ATXN10: variants seen among roughly 807,000 people sequenced by gnomAD.
ATXN10 encodes the protein ataxin 10.
ATXN10 carries 28 observed loss-of-function variants against 52.9 expected under a neutral mutation model. The observed-to-expected ratio is 0.53, with a 90% CI of 0.39 to 0.73. The LOEUF (loss-of-function observed/expected upper bound fraction) is 0.73. ATXN10 is among the 30% of genes least tolerant of loss of function. The pLI, the probability that ATXN10 is intolerant of heterozygous loss-of-function variation, is 0.00. For synonymous variants in ATXN10, 226 were observed against 221.5 expected (o/e 1.02, Z -0.18); for missense variants, 565 against 577.0 (o/e 0.98, Z 0.21).
intron 10 of ATXN10, among the ~76,000 whole-genome samples, chr22:45,814,111 TAGA>T (rs1309767042): frequency 1.3e-5 from 2 of 152,224 alleles, no homozygotes; most frequent in African/African-American, 4.8e-5. Flanking sequence ...AAAGAGCTTC[TAGA>T]AGAATCACAG....
intron 3 of ATXN10, among the ~76,000 whole-genome samples, chr22:45,694,783 G>A (rs757289442): frequency 1.3e-3 from 181 of 139,886 alleles, no homozygotes; most frequent in Non-Finnish European, 2.2e-3. Flanking sequence ...ATTCTGTCTC[G>A]AAAAAAAAAA....
intron 9 of ATXN10, 122 bp from the exon 10 acceptor site, chr22:45,806,837 A>G: frequency 7.9e-6 from 6 of 764,084 alleles, no homozygotes; most frequent in Non-Finnish European, 1.4e-5. Flanking sequence ...TAGATATTTC[A>G]GATAATAGTG....
chr22:45,768,488 G>GT (rs1926666346), intron 9 of ATXN10, among the ~76,000 whole-genome samples: 1 of 152,218 alleles, frequency 6.6e-6, no homozygotes, highest in African/African-American at 2.4e-5. Context: ...AATGTATGCA[G>GT]TAAGTATAAT....
chr22:45,821,608 T>C (rs136021), intron 10 of ATXN10, among the ~76,000 whole-genome samples: 1,727 of 152,290 alleles, frequency 0.011, 32 homozygotes, highest in African/African-American at 0.039. Flanking sequence ...ATAGTCTCTC[T>C]CATCCATCTT....
At chr22:45,711,238 T>A (rs1924236355) in intron 5 of ATXN10, among the ~76,000 whole-genome samples, 1 of 151,786 alleles carries the variant, frequency 6.6e-6, no homozygotes, top group Non-Finnish European at 1.5e-5. Context: ...CTCATGGTAA[T>A]TATAGCAGAG....
rs1383917880 is a variant in ATXN10, at chr22:45,774,206, T to G, written c.1174-32753T>G. ...TAGTAGGCATGGTGGGGCACCTGCC[T>G]CCTACTTGGCATTTCTGCTGGGGGA... On this transcript the variant is annotated intron_variant, in intron 9 of 11. Transcript: ENST00000252934. This position sits in a 1 kb window ranked among gnomAD's most constrained non-coding sequence, Gnocchi z 6.2. Among the ~76,000 whole-genome samples, 5 of 152,224 alleles carry G rather than the reference T, an allele frequency of 3.3e-5. No individual in the cohort carries two copies. The highest frequency in any genetic ancestry group is 1.2e-4 in the African/African-American group (5 of 41,454).
At chr22:45,792,864 T>G in intron 9 of ATXN10, 1 of 511,248 alleles carries the variant, frequency 2.0e-6, no homozygotes. Flanking sequence ...TTCGACATTT[T>G]TACTGACTTT....
chr22:45,700,510 G>A (rs1187187548), intron 4 of ATXN10, 132 bp downstream of exon 4: 1 of 745,704 alleles, frequency 1.3e-6, no homozygotes, highest in Non-Finnish European at 2.3e-6. Context: ...TGTTCTTGGT[G>A]GGTGGGTACC....
chr22:45,699,136 T>A (rs1210589274), intron 3 of ATXN10, among the ~76,000 whole-genome samples: 1 of 152,210 alleles, frequency 6.6e-6, no homozygotes, highest in Non-Finnish European at 1.5e-5. Flanking sequence ...GGTGTTGTTT[T>A]TGGCCTTTAT....
rs1401214704 is a variant in ATXN10 at position 45,828,269 on chromosome 22, T to A, written c.1238-14722T>A. Among the ~76,000 whole-genome samples the A allele has an allele frequency of 1.3e-5, 2 of 151,564 alleles. No homozygotes were observed. The highest frequency in any genetic ancestry group is 4.8e-5 in the African/African-American group (2 of 41,290). On this transcript the variant is annotated intron_variant, in intron 10 of 11. Coordinates refer to ENST00000252934, the MANE Select transcript of ATXN10 (RefSeq NM_013236.4). The surrounding 1 kb of genome is among the most constrained non-coding windows in gnomAD (Gnocchi z 4.5). ...AATGAAAAGACAACATAACAGAACT[T>A]ATGGGACACAGCAAAAATAATGCTA...
Position 45,762,266 on chromosome 22 carries a change from G to A in ATXN10, c.1173+21728G>A, listed in dbSNP as rs760410800. Among the ~76,000 whole-genome samples the A allele has an allele frequency of 4.6e-5, 7 of 152,172 alleles. No homozygotes were observed. The highest frequency in any genetic ancestry group is 2.1e-4 in the South Asian group (1 of 4,830). Reference sequence around the variant, plus strand: ...CCAGCGTGCGTTTCTTTCTGGAGGCGCAGGGACCTCGGCTTATTTTTCTCT... The same window carrying A: ...CCAGCGTGCGTTTCTTTCTGGAGGCACAGGGACCTCGGCTTATTTTTCTCT... On this transcript the variant is annotated intron_variant, in intron 9 of 11. Coordinates refer to ENST00000252934, the MANE Select transcript of ATXN10 (RefSeq NM_013236.4). This position sits in a 1 kb window ranked among gnomAD's most constrained non-coding sequence, Gnocchi z 4.3.
chr22:45,800,483 A>G (rs1415640207), intron 9 of ATXN10, among the ~76,000 whole-genome samples: 1 of 150,438 alleles, frequency 6.6e-6, no homozygotes, highest in Non-Finnish European at 1.5e-5. Flanking sequence ...TAACTCCAAT[A>G]CATTGTAGGG....
chr22:45,782,431 G>A (rs943582977), intron 9 of ATXN10, among the ~76,000 whole-genome samples: 5 of 152,144 alleles, frequency 3.3e-5, no homozygotes, highest in African/African-American at 1.2e-4. Flanking sequence ...CTAATCGAGT[G>A]GATAAATACA....
rs1928831852 is a variant in ATXN10 at position 45,826,869 on chromosome 22, AT to A, written c.1238-16120del. Among the ~76,000 whole-genome samples the A allele has an allele frequency of 6.6e-6, 1 of 152,230 alleles. No homozygotes were observed. Among genetic ancestry groups the A allele is most frequent in the South Asian group, 2.1e-4 (1 of 4,834 alleles). On this transcript the variant is annotated intron_variant, in intron 10 of 11. Transcript: ENST00000252934. This position sits in a 1 kb window ranked among gnomAD's most constrained non-coding sequence, Gnocchi z 5.0. The stretch of plus-strand genomic sequence containing the variant: ...GAAATAAAGATCTCAATAGAGATAA[AT>A]TCATGAGCAATATACAAGCTAGTTT...
At chr22:45,691,780 C>T (rs766849902) in intron 2 of ATXN10, among the ~76,000 whole-genome samples, 6 of 152,200 alleles carry the variant, frequency 3.9e-5, no homozygotes, top group Admixed American at 3.9e-4. Context: ...GTAGTCCCAG[C>T]TACTCTGGAG....
chr22:45,689,812 A>T lies in ATXN10; in HGVS notation c.217A>T (p.Asn73Tyr). 1 of 1,614,232 alleles carries T rather than the reference A, an allele frequency of 6.2e-7. No individual in the cohort carries two copies. The highest frequency in any genetic ancestry group is 8.5e-7 in the Non-Finnish European group (1 of 1,180,032). The part of the protein sequence containing the change: ...LACRDPSQVE[N>Y]LASSLQLITE... ...CTGCAGAGATCCATCCCAAGTGGAA[A>T]ACCTGGCTTCCAGTCTGCAGTTAAT... The change falls in exon 2 of 12, where the codon AAC becomes TAC. Residue 73 changes from asparagine (N) to tyrosine (Y), a missense_variant. Asn to Tyr is a moderately radical substitution (Grantham distance 143). Transcript: ENST00000252934.
In ATXN10 at chr22:45,701,375, T is replaced by A. The variant is rs2146753397; in HGVS notation, c.488+997T>A. On this transcript the variant is annotated intron_variant, in intron 4 of 11. Transcript: ENST00000252934. This position sits in a 1 kb window ranked among gnomAD's most constrained non-coding sequence, Gnocchi z 4.2. ...ATGCTCATTGTAAATACTGTGCTGC[T>A]TAAATTCCGTAATGCCCTTCCTTGT... is the stretch of plus-strand genomic sequence containing the variant. Among the ~76,000 whole-genome samples the A allele has an allele frequency of 6.6e-6, 1 of 152,336 alleles. No individual in the cohort carries two copies. Among genetic ancestry groups the A allele is most frequent in the South Asian group, 2.1e-4 (1 of 4,826 alleles).
chr22:45,826,803 G>A lies in ATXN10; in HGVS notation c.1238-16188G>A, dbSNP rs1022945948. On this transcript the variant is annotated intron_variant, in intron 10 of 11. Coordinates refer to ENST00000252934, the MANE Select transcript of ATXN10 (RefSeq NM_013236.4). This position sits in a 1 kb window ranked among gnomAD's most constrained non-coding sequence, Gnocchi z 5.0. ...AATGCTCAAGGTAATCCTGCAGGAT[G>A]AAATGAGAAGACAACAGACAGTAAC... Among the ~76,000 whole-genome samples the A allele has an allele frequency of 4.6e-5, 7 of 152,316 alleles. No individual in the cohort carries two copies. Among genetic ancestry groups the A allele is most frequent in the Non-Finnish European group, 8.8e-5 (6 of 68,018 alleles).
chr22:45,725,384 A>G (rs1924825488), intron 6 of ATXN10, among the ~76,000 whole-genome samples: 1 of 146,488 alleles, frequency 6.8e-6, no homozygotes. Context: ...TTGGTTAAAT[A>G]TATTTCCAGG....
Sources: allele counts gnomAD v4.1 joint callset (sites outside exome capture counted in the v4.1 genomes callset), GRCh38; gene constraint gnomAD v4.1.1; non-coding constraint Gnocchi (gnomAD v3.1); transcripts MANE v1.5; gene names NCBI Gene and HGNC (gene_info 2026-07-23, HGNC 2026-07-21).